GNPTAB: variants seen among roughly 807,000 people sequenced by gnomAD.
GNPTAB encodes N-acetylglucosamine-1-phosphate transferase subunits alpha and beta.
Under a neutral mutation model 136.6 loss-of-function variants are expected in GNPTAB, and 92 were observed. The ratio of observed to expected loss-of-function variants is 0.67; its 90% CI spans 0.57 to 0.80. The LOEUF is 0.80. GNPTAB is among the 30% of genes least tolerant of loss of function. The pLI is 0.00. For synonymous variants in GNPTAB, 512 were observed against 535.1 expected (o/e 0.96, Z 0.60); for missense variants, 1,343 against 1,501.8 (o/e 0.89, Z 1.75).
At chr12:101,796,801 G>T in intron 1 of GNPTAB, 39 bp from the exon 2 acceptor site, 1 of 1,259,596 alleles carries the variant, frequency 7.9e-7, no homozygotes, top group Non-Finnish European at 1.2e-6. Flanking sequence ...TCGCATCAAA[G>T]ACTAAGAGTA....
chr12:101,793,051 C>T (rs577797770), intron 2 of GNPTAB, among the ~76,000 whole-genome samples: 168 of 152,290 alleles, frequency 1.1e-3, no homozygotes, highest in African/African-American at 4.0e-3. Context: ...TTTTTCCCCA[C>T]TAAAATGCCA....
chr12:101,764,665 T>C lies in GNPTAB; in HGVS notation c.2252A>G (p.Gln751Arg). 1 of 1,612,750 alleles carries C rather than the reference T, an allele frequency of 6.2e-7. No individual in the cohort carries two copies. Among genetic ancestry groups the C allele is most frequent in the South Asian group, 1.1e-5 (1 of 90,724 alleles). ...ATTTGTTTCATCTGTTATTATAGCT[T>C]GATTTTTTATTTTAGCATGCTGTGA... ...MNSQHAKIKN[Q>R]AIITDETNDS... The change falls in exon 13 of 21, where the codon CAA becomes CGA. Residue 751 changes from glutamine to arginine, a missense_variant. Physicochemically the swap from Gln to Arg is conservative, Grantham distance 43 (BLOSUM62 1). Coordinates refer to ENST00000299314, the MANE Select transcript of GNPTAB (RefSeq NM_024312.5).
At chr12:101,773,808 A>C (rs1358784556) in intron 7 of GNPTAB, 1 of 152,188 alleles carries the variant, frequency 6.6e-6, no homozygotes, top group African/African-American at 2.4e-5. Context: ...TTGTCAGAAG[A>C]GAGAAGGTAG....
intron 1 of GNPTAB, among the ~76,000 whole-genome samples, chr12:101,824,566 A>C (rs1442264765): frequency 6.7e-6 from 1 of 150,000 alleles, no homozygotes; most frequent in Non-Finnish European, 1.5e-5. Context: ...TCCAGGGTTC[A>C]AGCGATTCTC....
In GNPTAB at chr12:101,764,613, T is replaced by G. The variant is rs558911370; in HGVS notation, c.2304A>C (p.Lys768Asn). The change falls in exon 13 of 21, where the codon AAA becomes AAC. Residue 768 changes from lysine (K) to asparagine (N), a missense_variant. By Grantham distance (94) the Lys-to-Asn change is moderately conservative. Coordinates refer to ENST00000299314, the MANE Select transcript of GNPTAB (RefSeq NM_024312.5). ...TNDSLVAPQE[K>N]QVHKSILPNS... ...TTGGCAAGATGCTTTTATGAACCTG[T>G]TTTTCCTGTGGAGCCACCAAACTGT... 62 of 1,613,968 alleles carry G rather than the reference T, an allele frequency of 3.8e-5. 1 individual carries two copies. The South Asian group carries it at 6.5e-4, about 17-fold the overall frequency.
chr12:101,826,872 T>G (rs1055303647), intron 1 of GNPTAB, among the ~76,000 whole-genome samples: 21 of 151,886 alleles, frequency 1.4e-4, no homozygotes, highest in African/African-American at 5.1e-4. Flanking sequence ...ATAGACTGAT[T>G]ACCTGCTACC....
rs1327876395 is a variant in GNPTAB, at chr12:101,770,995, C to A, written c.933+1G>T. 1 of 1,613,970 alleles carries A rather than the reference C, an allele frequency of 6.2e-7. No individual in the cohort carries two copies. The highest frequency in any genetic ancestry group is 1.7e-5 in the Admixed American group (1 of 60,018). On this transcript the variant is annotated splice_donor_variant, in intron 8 of 20. Coordinates refer to ENST00000299314, the MANE Select transcript of GNPTAB (RefSeq NM_024312.5). LOFTEE classifies it high-confidence loss of function. ...TGTAAAAGCTTCTGTGCATCCCTTA[C>A]CTGGCTGATGGCGCTCAGATCCCAT...
chr12:101,779,889 T>C (rs1192983472), intron 7 of GNPTAB: 1 of 490,436 alleles, frequency 2.0e-6, no homozygotes, highest in African/African-American at 1.9e-5. Flanking sequence ...GCCTGGTTAC[T>C]ACTTGGATGG....
At chr12:101,753,587 G>A in intron 18 of GNPTAB, 48 bp from the exon 19 acceptor site, 6 of 1,468,894 alleles carry the variant, frequency 4.1e-6, no homozygotes, top group South Asian at 1.1e-5. Flanking sequence ...GGATAATCCT[G>A]ACCTAACAAA....
At chr12:101,785,900 T>G (rs1868614563) in intron 5 of GNPTAB, 112 bp downstream of exon 5, 3 of 870,460 alleles carry the variant, frequency 3.4e-6, no homozygotes, top group Non-Finnish European at 1.8e-6. Flanking sequence ...TGTGCATTTT[T>G]AGAAAAGTTT....
chr12:101,748,297 C>T (rs116563433), intron 20 of GNPTAB, among the ~76,000 whole-genome samples: 2,053 of 152,290 alleles, frequency 0.013, 49 homozygotes, highest in African/African-American at 0.047. Flanking sequence ...GCTTGTCCTT[C>T]TTGGTATAAG....
chr12:101,824,432 A>ATATTT (rs1188582277), intron 1 of GNPTAB, among the ~76,000 whole-genome samples: 7 of 50,866 alleles, frequency 1.4e-4, no homozygotes, highest in South Asian at 6.8e-4. Context: ...ATATATATAT[A>ATATTT]TTTTCTTTTT....
rs1215127859 is a variant in GNPTAB, at chr12:101,746,938, T to G, written c.*226A>C. 2.0e-6 allele frequency: 1 copy of G among 495,118 alleles called. No individual in the cohort carries two copies. The allele number at this position is 495,118 out of a possible 1,614,324, so 30.7% of individuals were successfully genotyped here. A position where few individuals can be genotyped will look rare whatever the true frequency, so the allele number is the denominator to read the frequency against. On this transcript the variant is annotated 3_prime_UTR_variant, in exon 21 of 21. Coordinates refer to ENST00000299314, the MANE Select transcript of GNPTAB (RefSeq NM_024312.5). ...ATGACAGGTCCATGAGCAAATTCTT[T>G]AAAAGTAAAATCAGTTCAGAGCTGC... is the stretch of plus-strand genomic sequence containing the variant.
intron 1 of GNPTAB, among the ~76,000 whole-genome samples, chr12:101,820,570 G>A (rs938269407): frequency 6.6e-6 from 1 of 152,084 alleles, no homozygotes; most frequent in African/African-American, 2.4e-5. Context: ...CAGGATCCCT[G>A]GCTTCTACCC....
At chr12:101,801,370 T>C (rs1869613471) in intron 1 of GNPTAB, among the ~76,000 whole-genome samples, 1 of 150,322 alleles carries the variant, frequency 6.7e-6, no homozygotes, top group Non-Finnish European at 1.5e-5. Flanking sequence ...GGCAAAACCC[T>C]GTCTCTACAA....
At chr12:101,829,080 CT>C (rs1871246254) in intron 1 of GNPTAB, among the ~76,000 whole-genome samples, 1 of 152,248 alleles carries the variant, frequency 6.6e-6, no homozygotes, top group Non-Finnish European at 1.5e-5. Context: ...TCTCATTTCT[CT>C]TGTCTGTTCC....
intron 2 of GNPTAB, among the ~76,000 whole-genome samples, chr12:101,795,134 G>A (rs909134905): frequency 6.6e-6 from 1 of 152,282 alleles, no homozygotes; most frequent in South Asian, 2.1e-4. Flanking sequence ...TAATGCAGTA[G>A]TTTTCACAGT....
chr12:101,774,985 C>CTA (rs1207016934), intron 7 of GNPTAB, among the ~76,000 whole-genome samples: 5 of 152,200 alleles, frequency 3.3e-5, no homozygotes, highest in African/African-American at 1.2e-4. Flanking sequence ...GTCAAGTTGT[C>CTA]TAAACAATCA....
chr12:101,780,007 T>C, intron 7 of GNPTAB, 145 bp downstream of exon 7: 1 of 817,014 alleles, frequency 1.2e-6, no homozygotes, highest in Non-Finnish European at 2.1e-6. Flanking sequence ...AAGTAAGGAG[T>C]GAGGCTCTTC....
Sources: allele counts gnomAD v4.1 joint callset (sites outside exome capture counted in the v4.1 genomes callset), GRCh38; gene constraint gnomAD v4.1.1; transcripts MANE v1.5; gene names NCBI Gene and HGNC (gene_info 2026-07-23, HGNC 2026-07-21).